MBP: variants seen among roughly 807,000 people sequenced by gnomAD.
The protein encoded by MBP is myelin basic protein.
In MBP, 16 loss-of-function variants were observed where a neutral mutation model predicts 35.8. That is an observed-to-expected ratio of 0.45 (90% CI 0.30 to 0.68). The LOEUF (loss-of-function observed/expected upper bound fraction) is 0.68, where lower values mean the gene tolerates loss of function less well. Ranked by LOEUF, MBP falls within the 30% of genes least tolerant of loss-of-function variation. MBP has a pLI of 0.08. For synonymous variants in MBP, 143 were observed against 159.6 expected (o/e 0.90, Z 0.78); for missense variants, 380 against 404.7 (o/e 0.94, Z 0.52).
chr18:76,994,323 A>G (rs1312350449), intron 4 of MBP, among the ~76,000 whole-genome samples: 1 of 152,252 alleles, frequency 6.6e-6, no homozygotes, highest in African/African-American at 2.4e-5. Context: ...TTTGAGTCAC[A>G]TAAACATTTC....
chr18:77,055,120 G>A (rs1259698281), intron 3 of MBP, among the ~76,000 whole-genome samples: 6 of 152,238 alleles, frequency 3.9e-5, no homozygotes, highest in Admixed American at 2.0e-4. Flanking sequence ...ACAGAGGAAC[G>A]GCAGCGCCGC....
chr18:76,979,087 T>C lies in MBP; in HGVS notation c.*1340A>G, dbSNP rs1249772664. On this transcript the variant is annotated 3_prime_UTR_variant, in exon 9 of 9. Transcript: ENST00000355994. ...TAAGCCCACACGAAACATTCAGAATTAGAATTGGATTAAGAAGACGCGTTT... is the reference window on the plus strand; with the variant it reads ...TAAGCCCACACGAAACATTCAGAATCAGAATTGGATTAAGAAGACGCGTTT... 1 of 152,106 alleles carries C rather than the reference T, an allele frequency of 6.6e-6. No individual in the cohort carries two copies. Among genetic ancestry groups the C allele is most frequent in the Non-Finnish European group, 1.5e-5 (1 of 68,010 alleles). 9.4% of individuals were successfully genotyped at this position (152,106 alleles called of 1,614,324 possible).
chr18:76,992,877 C>G (rs993745332), intron 4 of MBP, among the ~76,000 whole-genome samples: 1 of 152,148 alleles, frequency 6.6e-6, no homozygotes, highest in African/African-American at 2.4e-5. Flanking sequence ...TATGCCCTGG[C>G]CCCGACCATC....
intron 4 of MBP, chr18:77,014,468 C>A (rs1245986112): frequency 3.0e-6 from 3 of 985,362 alleles, no homozygotes; most frequent in Non-Finnish European, 3.6e-6. Context: ...AGAGACAGGG[C>A]CCGGGCCTTC....
chr18:77,103,651 G>T (rs1313505912), intron 2 of MBP, among the ~76,000 whole-genome samples: 1 of 152,162 alleles, frequency 6.6e-6, no homozygotes, highest in Admixed American at 6.5e-5. Context: ...ACAAATTAGG[G>T]TGGGTCCACT....
intron 2 of MBP, among the ~76,000 whole-genome samples, chr18:77,083,862 G>A (rs546681802): frequency 6.6e-6 from 1 of 152,180 alleles, no homozygotes; most frequent in East Asian, 1.9e-4. Context: ...GGGAGGGATT[G>A]CTAGAAGGCA....
chr18:77,007,818 C>T (rs936567783), intron 4 of MBP, among the ~76,000 whole-genome samples: 3 of 152,154 alleles, frequency 2.0e-5, no homozygotes, highest in African/African-American at 7.2e-5. Context: ...GTGGACAAAG[C>T]GTTGTGTAGA....
At position 76,980,501 on chromosome 18, in the gene MBP, A is replaced by T. The variant is rs768236319; in HGVS notation, c.871-30T>A. 1.5e-5 allele frequency: 23 copies of T among 1,584,412 alleles called. No individual in the cohort carries two copies. In the Middle Eastern group the frequency reaches 7.3e-4, roughly 50 times the overall value. ...AAAGGAAGAGAGAGGAGTTAGGACGAGAGTGCCGCAGGGTCCTCCCACACC... is the reference window on the plus strand; with the variant it reads ...AAAGGAAGAGAGAGGAGTTAGGACGTGAGTGCCGCAGGGTCCTCCCACACC... On this transcript the variant is annotated intron_variant, in intron 8 of 8. Coordinates refer to ENST00000355994, the MANE Select transcript of MBP (RefSeq NM_001025101.2).
At position 76,980,074 on chromosome 18, in the gene MBP, C is replaced by T. The variant is rs1027479296; in HGVS notation, c.*353G>A. On this transcript the variant is annotated 3_prime_UTR_variant, in exon 9 of 9. Coordinates refer to ENST00000355994, the MANE Select transcript of MBP (RefSeq NM_001025101.2). ...GTGACCAGCAAAAGCGCAAGGGTGC[C>T]GCAGCCACGGCGAAAAGAAAGTCCA... 11 of 698,764 alleles carry T rather than the reference C, an allele frequency of 1.6e-5. No homozygotes were observed. The highest frequency in any genetic ancestry group is 5.3e-5 in the African/African-American group (3 of 56,944). 43.3% of individuals were successfully genotyped at this position (698,764 alleles called of 1,614,324 possible).
intron 4 of MBP, 122 bp downstream of exon 4, chr18:77,016,710 A>G: frequency 6.8e-7 from 1 of 1,476,938 alleles, no homozygotes; most frequent in Non-Finnish European, 9.0e-7. Flanking sequence ...TCCAGCACGG[A>G]ACGAGACCTT....
intron 3 of MBP, among the ~76,000 whole-genome samples, chr18:77,045,351 C>T (rs1973194291): frequency 6.6e-6 from 1 of 152,236 alleles, no homozygotes; most frequent in Non-Finnish European, 1.5e-5. Context: ...AAGACACTTG[C>T]ATGCATCTCC....
intron 4 of MBP, among the ~76,000 whole-genome samples, chr18:77,011,200 T>C (rs1417940587): frequency 6.6e-6 from 1 of 152,198 alleles, no homozygotes; most frequent in East Asian, 1.9e-4. Context: ...TTCTGGTGAC[T>C]TTAATTCATG....
rs1971936309 is a variant in MBP, at chr18:77,020,197, AG to A, written c.140-2930del. 6.6e-6 allele frequency among the ~76,000 whole-genome samples: 1 copy of A among 152,046 alleles called. No individual in the cohort carries two copies. The highest frequency in any genetic ancestry group is 1.5e-5 in the Non-Finnish European group (1 of 68,020). ...CATCCTGAGCAATTGGGAGAGGGAC[AG>A]GGACTGGGAGTCTGGCTGGGACACT... On this transcript the variant is annotated intron_variant, in intron 3 of 8. Coordinates refer to ENST00000355994, the MANE Select transcript of MBP (RefSeq NM_001025101.2). This position sits in a 1 kb window ranked among gnomAD's most constrained non-coding sequence, Gnocchi z 4.1.
chr18:77,078,262 G>A (rs1440912330), intron 2 of MBP, among the ~76,000 whole-genome samples: 2 of 152,180 alleles, frequency 1.3e-5, no homozygotes, highest in Non-Finnish European at 2.9e-5. Flanking sequence ...GGCATCTTCC[G>A]AGGGGCTGAA....
chr18:77,034,599 G>A (rs1439715713), intron 3 of MBP, among the ~76,000 whole-genome samples: 1 of 152,228 alleles, frequency 6.6e-6, no homozygotes, highest in Non-Finnish European at 1.5e-5. Context: ...GCCTCCCGCT[G>A]CCTCTGGGAG....
intron 7 of MBP, chr18:76,986,911 AAC>A (rs1225970970): frequency 2.0e-6 from 2 of 985,366 alleles, no homozygotes; most frequent in African/African-American, 3.5e-5. Flanking sequence ...TGTACCAGGA[AAC>A]ACACAACACA....
intron 2 of MBP, among the ~76,000 whole-genome samples, chr18:77,103,820 G>C (rs1174019212): frequency 6.6e-6 from 1 of 152,224 alleles, no homozygotes; most frequent in East Asian, 1.9e-4. Flanking sequence ...AGTGGGAAAA[G>C]GGTCCAGAAC....
intron 1 of MBP, among the ~76,000 whole-genome samples, chr18:77,106,143 C>T (rs1029083035): frequency 1.3e-5 from 2 of 152,114 alleles, no homozygotes; most frequent in African/African-American, 4.8e-5. Flanking sequence ...GGTGTGAGTA[C>T]CCATTCTCCT....
At chr18:76,985,049 G>A (rs1317651771) in intron 7 of MBP, 155 bp from the exon 8 acceptor site, 3 of 1,489,514 alleles carry the variant, frequency 2.0e-6, no homozygotes, top group Non-Finnish European at 1.8e-6. Flanking sequence ...CCACGCTGAG[G>A]GGGTGGGGGC....
Sources: gnomAD v4.1 joint callset for allele counts (sites outside exome capture counted in the v4.1 genomes callset) on GRCh38, gnomAD v4.1.1 for gene constraint, Gnocchi (gnomAD v3.1) non-coding constraint, MANE v1.5 for transcripts, NCBI Gene and HGNC (gene_info 2026-07-23, HGNC 2026-07-21) for gene names.